PDGFC: variants seen among roughly 807,000 people sequenced by gnomAD.
PDGFC encodes platelet derived growth factor C.
PDGFC carries 12 observed loss-of-function variants against 35.5 expected under a neutral mutation model. The ratio of observed to expected loss-of-function variants is 0.34; its 90% confidence interval spans 0.22 to 0.55. The LOEUF (loss-of-function observed/expected upper bound fraction) is 0.55. Among genes scored for constraint, PDGFC ranks in the 20% least tolerant of loss-of-function variants. The pLI is 0.91. For synonymous variants in PDGFC, 159 were observed against 148.8 expected (o/e 1.07, Z -0.50); for missense variants, 322 against 412.4 (o/e 0.78, Z 1.90).
chr4:156,766,032 G>T (rs983255690), intron 5 of PDGFC, among the ~76,000 whole-genome samples: 1 of 152,122 alleles, frequency 6.6e-6, no homozygotes, highest in Admixed American at 6.6e-5. Context: ...CAAATGTTAG[G>T]TTCAAAACTG....
intron 2 of PDGFC, among the ~76,000 whole-genome samples, chr4:156,839,815 C>G (rs892066824): frequency 1.3e-5 from 2 of 152,122 alleles, no homozygotes; most frequent in Non-Finnish European, 2.9e-5. Context: ...GAGGTCGAGG[C>G]AGAGGTGGTC....
intron 1 of PDGFC, among the ~76,000 whole-genome samples, chr4:156,937,696 T>C (rs1364430877): frequency 6.6e-6 from 1 of 152,100 alleles, no homozygotes; most frequent in Non-Finnish European, 1.5e-5. Context: ...ACAAAACTTT[T>C]CTAAATAAAT....
intron 1 of PDGFC, among the ~76,000 whole-genome samples, chr4:156,945,265 A>C (rs952124006): frequency 2.0e-5 from 3 of 149,094 alleles, no homozygotes; most frequent in Admixed American, 6.7e-5. Flanking sequence ...AATAGTTGTT[A>C]AATGAATAAT....
At chr4:156,811,756 T>A (rs904754644) in intron 2 of PDGFC, among the ~76,000 whole-genome samples, 15 of 152,080 alleles carry the variant, frequency 9.9e-5, no homozygotes, top group African/African-American at 3.6e-4. Flanking sequence ...GTTTGGAAGG[T>A]TTGGATCAGT....
intron 2 of PDGFC, among the ~76,000 whole-genome samples, chr4:156,849,978 C>T (rs1049219825): frequency 1.3e-5 from 2 of 151,766 alleles, no homozygotes; most frequent in African/African-American, 4.8e-5. Context: ...TGCTTTTTTA[C>T]CATAAATTAT....
At chr4:156,953,894 C>G (rs910571323) in intron 1 of PDGFC, among the ~76,000 whole-genome samples, 1 of 151,922 alleles carries the variant, frequency 6.6e-6, no homozygotes, top group African/African-American at 2.4e-5. Flanking sequence ...AAGCACAAAA[C>G]CATTCTCTAT....
chr4:156,813,732 T>C (rs1473138593), intron 2 of PDGFC, among the ~76,000 whole-genome samples: 3 of 152,152 alleles, frequency 2.0e-5, no homozygotes, highest in Admixed American at 2.0e-4. Flanking sequence ...TAGGCCAATG[T>C]TGAAAACATG....
At chr4:156,771,695 G>A (rs1032781866) in intron 4 of PDGFC, among the ~76,000 whole-genome samples, 3 of 152,088 alleles carry the variant, frequency 2.0e-5, no homozygotes, top group South Asian at 4.2e-4. Flanking sequence ...GCAGGAATCG[G>A]GTTTCCTTCT....
At chr4:156,933,905 C>G (rs554190732) in intron 1 of PDGFC, among the ~76,000 whole-genome samples, 141 of 152,294 alleles carry the variant, frequency 9.3e-4, no homozygotes, top group African/African-American at 3.3e-3. Flanking sequence ...TTTCCCAAGG[C>G]CTCCCCAGCC....
At chr4:156,774,036 T>A (rs1171904313) in intron 3 of PDGFC, among the ~76,000 whole-genome samples, 2 of 152,202 alleles carry the variant, frequency 1.3e-5, no homozygotes, top group Non-Finnish European at 2.9e-5. Context: ...TTCTCTCCTT[T>A]TGTTCTATGC....
At chr4:156,801,575 T>C (rs1046697731) in intron 3 of PDGFC, among the ~76,000 whole-genome samples, 1 of 152,174 alleles carries the variant, frequency 6.6e-6, no homozygotes, top group African/African-American at 2.4e-5. Context: ...AGTTCTTCCT[T>C]GGAAGCCATT....
intron 2 of PDGFC, among the ~76,000 whole-genome samples, chr4:156,818,059 TA>T (rs35689376): frequency 0.15 from 19,951 of 132,754 alleles, 1,871 homozygotes; most frequent in South Asian, 0.3. Context: ...TACTCCGTCT[TA>T]AAAAAAAAAA....
chr4:156,812,186 GA>G (rs1355869149), intron 2 of PDGFC, among the ~76,000 whole-genome samples: 2 of 151,798 alleles, frequency 1.3e-5, no homozygotes, highest in Non-Finnish European at 2.9e-5. Flanking sequence ...AGGAATACTA[GA>G]TATACCATTT....
chr4:156,787,236 TG>T (rs1333805260), intron 3 of PDGFC, among the ~76,000 whole-genome samples: 1 of 151,452 alleles, frequency 6.6e-6, no homozygotes, highest in African/African-American at 2.4e-5. Context: ...GACTGAGGAG[TG>T]GCCAGAGAGA....
chr4:156,864,792 T>C (rs1027419976), intron 1 of PDGFC, among the ~76,000 whole-genome samples: 3 of 152,116 alleles, frequency 2.0e-5, no homozygotes, highest in African/African-American at 7.2e-5. Flanking sequence ...TGCTAAATAA[T>C]GTCTATAATC....
At position 156,912,222 on chromosome 4, in the gene PDGFC, C is replaced by A. The variant is rs111411360; in HGVS notation, c.118+58564G>T. On this transcript the variant is annotated intron_variant, in intron 1 of 5. Coordinates refer to ENST00000502773, the MANE Select transcript of PDGFC (RefSeq NM_016205.3). The stretch of plus-strand genomic sequence containing the variant: ...CAAGGGAAACCTTAAAAAATATATT[C>A]AAAATTGAGAGCAGCTAGACACCTC... Among the ~76,000 whole-genome samples the A allele has an allele frequency of 7.3e-3, 1,117 of 152,124 alleles. 10 individuals carry two copies. Among genetic ancestry groups the A allele is most frequent in the African/African-American group, 0.025 (1,051 of 41,518 alleles).
chr4:156,949,018 T>A (rs189008838), intron 1 of PDGFC, among the ~76,000 whole-genome samples: 23 of 151,924 alleles, frequency 1.5e-4, no homozygotes, highest in African/African-American at 4.8e-4. Flanking sequence ...ATGAGAAAGG[T>A]GAGAAAGGAT....
intron 2 of PDGFC, among the ~76,000 whole-genome samples, chr4:156,840,039 G>C (rs1729160080): frequency 6.6e-6 from 1 of 152,162 alleles, no homozygotes; most frequent in Admixed American, 6.5e-5. Flanking sequence ...TTTGCAGCCT[G>C]ACAATGCAGT....
rs1325038978 is a variant in PDGFC at position 156,971,413 on chromosome 4, A to C, written c.-510T>G. On this transcript the variant is annotated 5_prime_UTR_variant, in exon 1 of 6. Coordinates refer to ENST00000502773, the MANE Select transcript of PDGFC (RefSeq NM_016205.3). ...TCCGGGCGCCCCTCTCCCCCGCCCC[A>C]CCCCCCACCCCCGAAGGGGGAGGGG... The C allele has an allele frequency of 7.8e-6, 2 of 257,610 alleles. No homozygotes were observed. Among genetic ancestry groups the C allele is most frequent in the Non-Finnish European group, 1.4e-5 (2 of 139,410 alleles). 16.0% of individuals were successfully genotyped at this position (257,610 alleles called of 1,614,324 possible).
Sources: gnomAD v4.1 joint callset for allele counts (sites outside exome capture counted in the v4.1 genomes callset) on GRCh38, gnomAD v4.1.1 for gene constraint, MANE v1.5 for transcripts, NCBI Gene and HGNC (gene_info 2026-07-23, HGNC 2026-07-21) for gene names.